MLXIPL: variants seen among roughly 807,000 people sequenced by gnomAD.
MLXIPL encodes the protein MLX interacting protein like, also known as carbohydrate-responsive element-binding protein.
A neutral mutation model predicts 81.5 loss-of-function variants in MLXIPL; 49 were observed. The ratio of observed to expected loss-of-function variants is 0.60; its 90% CI spans 0.48 to 0.76. The LOEUF (loss-of-function observed/expected upper bound fraction) is 0.76, where lower values mean the gene tolerates loss of function less well. Ranked by LOEUF, MLXIPL falls within the 30% of genes least tolerant of loss-of-function variation. MLXIPL has a pLI of 0.00. For synonymous variants in MLXIPL, 466 were observed against 485.5 expected (o/e 0.96, Z 0.53); for missense variants, 1,053 against 1,167.0 (o/e 0.90, Z 1.42).
In MLXIPL at chr7:73,596,230, G is replaced by A. The variant is rs1794283580; in HGVS notation, c.1981C>T (p.Arg661Trp). 4 of 1,613,522 alleles carry A rather than the reference G, an allele frequency of 2.5e-6. No homozygotes were observed. Among genetic ancestry groups the A allele is most frequent in the Non-Finnish European group, 3.4e-6 (4 of 1,179,960 alleles). ...AACCCCAGCTTGATGTTGAAGCGCC[G>A]CTTCTGCTCCGCGGAGATGTGTGTG... ...RITHISAEQKRRFNIKLGFDT... is the reference protein window; with the variant it reads ...RITHISAEQKWRFNIKLGFDT... The change falls in exon 13 of 17, where the codon CGG becomes TGG. Residue 661 changes from arginine (R) to tryptophan (W), a missense_variant. Around this residue, in one of 3 missense-constraint regions of MLXIPL, gnomAD observed 823 missense variants for 933.0 expected, o/e 0.88. Transcript: ENST00000313375. The surrounding 1 kb of genome is among the most constrained non-coding windows in gnomAD (Gnocchi z 4.7).
In MLXIPL at chr7:73,597,442, G is replaced by A. The variant is rs782047753; in HGVS notation, c.1343C>T (p.Pro448Leu). ...PTVPPAPGVSPLPAPAAFPPT... is the reference protein window; with the variant it reads ...PTVPPAPGVSLLPAPAAFPPT... ...TGGGAAGGCTGCAGGAGCAGGCAGCGGAGACACTCCTGGGGCAGGAGGGAC... is the reference window on the plus strand; with the variant it reads ...TGGGAAGGCTGCAGGAGCAGGCAGCAGAGACACTCCTGGGGCAGGAGGGAC... The change falls in exon 9 of 17, where the codon CCG (proline) becomes CTG (leucine). Residue 448 changes from proline (P) to leucine (L), a missense_variant. Pro to Leu is a moderately conservative substitution (Grantham distance 98, BLOSUM62 -3). Coordinates refer to ENST00000313375, the MANE Select transcript of MLXIPL (RefSeq NM_032951.3). 7.7e-6 allele frequency: 11 copies of A among 1,435,252 alleles called. No individual in the cohort carries two copies. The highest frequency in any genetic ancestry group is 2.9e-5 in the Admixed American group (1 of 34,292). 88.9% of individuals were successfully genotyped at this position (1,435,252 alleles called of 1,614,324 possible). A position where few individuals can be genotyped will look rare whatever the true frequency, so the allele number is the denominator to read the frequency against.
chr7:73,633,634 T>G, the MLXIPL span, among the ~76,000 whole-genome samples: 1 of 152,006 alleles, frequency 6.6e-6, no homozygotes, highest in African/African-American at 2.4e-5. Flanking sequence ...TTATTTTTTT[T>G]GTAGAGACAG....
At chr7:73,627,930 C>T (rs143553842), upstream of MLXIPL, among the ~76,000 whole-genome samples, 10 of 152,146 alleles carry the variant, frequency 6.6e-5, no homozygotes, top group East Asian at 1.4e-3. Flanking sequence ...GTCTTACTGG[C>T]GATCTGTCTC....
the MLXIPL span, among the ~76,000 whole-genome samples, chr7:73,646,396 C>T: frequency 6.6e-6 from 1 of 152,194 alleles, no homozygotes; most frequent in Non-Finnish European, 1.5e-5. Context: ...TCCACCAGTG[C>T]CACCCCTATA....
chr7:73,636,470 G>A, the MLXIPL span, among the ~76,000 whole-genome samples: 1 of 151,998 alleles, frequency 6.6e-6, no homozygotes, highest in Non-Finnish European at 1.5e-5. Flanking sequence ...AGGTATTCTG[G>A]GAGGGAAGAG....
intron 2 of MLXIPL, 116 bp downstream of exon 2, chr7:73,615,955 T>C: frequency 1.3e-6 from 1 of 758,916 alleles, no homozygotes; most frequent in East Asian, 2.6e-5. Context: ...ACTCTGCTAG[T>C]GCTGGCCTTG....
chr7:73,640,890 G>A, the MLXIPL span, among the ~76,000 whole-genome samples: 1 of 151,904 alleles, frequency 6.6e-6, no homozygotes, highest in Non-Finnish European at 1.5e-5. Flanking sequence ...AACAGGAAAA[G>A]GCTCTCTTTT....
At chr7:73,644,168 T>C in the MLXIPL span, among the ~76,000 whole-genome samples, 2 of 151,708 alleles carry the variant, frequency 1.3e-5, no homozygotes, top group Middle Eastern at 3.2e-3. Flanking sequence ...AAAGCTCTGA[T>C]ATTACAGATG....
In MLXIPL at chr7:73,623,489, C is replaced by T. The variant is rs1174007599; in HGVS notation, c.293+711G>A. ...GGCACTAAGCGGGGGTCCCAGGCAGCGACGGGCGCTCAGCCTAGTGTGGCG... is the reference window on the plus strand; with the variant it reads ...GGCACTAAGCGGGGGTCCCAGGCAGTGACGGGCGCTCAGCCTAGTGTGGCG... On this transcript the variant is annotated intron_variant, in intron 1 of 16. Transcript: ENST00000313375. This position sits in a 1 kb window ranked among gnomAD's most constrained non-coding sequence, Gnocchi z 5.7. 6.6e-6 allele frequency among the ~76,000 whole-genome samples: 1 copy of T among 152,068 alleles called. No homozygotes were observed. The highest frequency in any genetic ancestry group is 1.5e-5 in the Non-Finnish European group (1 of 68,032).
chr7:73,620,336 G>A (rs1288962215), intron 1 of MLXIPL, among the ~76,000 whole-genome samples: 6 of 151,790 alleles, frequency 4.0e-5, no homozygotes, highest in African/African-American at 1.5e-4. Flanking sequence ...CCCAGGAGGC[G>A]GATGTTGCAG....
the MLXIPL span, among the ~76,000 whole-genome samples, chr7:73,635,276 T>C: frequency 6.6e-6 from 1 of 152,058 alleles, no homozygotes; most frequent in Non-Finnish European, 1.5e-5. Flanking sequence ...GCTCTGAGGC[T>C]ATGAGAGTGG....
chr7:73,616,030 G>A (rs782168800), intron 2 of MLXIPL, 41 bp downstream of exon 2: 19 of 1,529,748 alleles, frequency 1.2e-5, no homozygotes, highest in Non-Finnish European at 1.5e-5. Context: ...GTTGGAGGGG[G>A]CAGTCCCTCC....
rs781884532 is a variant in MLXIPL, at chr7:73,595,908, C to T, written c.2120G>A (p.Arg707His). 28 of 1,613,126 alleles carry T rather than the reference C, an allele frequency of 1.7e-5. No homozygotes were observed. The highest frequency in any genetic ancestry group is 6.7e-5 in the African/African-American group (5 of 74,938). ...AEYILMLQQE[R>H]AGLQEEAQQL... ...CTGGGCCTCCTCCTGCAAGCCCGCA[C>T]GCTCCTGCTGTAGCATAAGGATGTA... The change falls in exon 14 of 17, where the codon CGT becomes CAT. Residue 707 changes from arginine (R) to histidine (H), a missense_variant. By Grantham distance (29) the Arg-to-His change is conservative. Around this residue, in one of 3 missense-constraint regions of MLXIPL, gnomAD observed 823 missense variants for 933.0 expected, o/e 0.88. Transcript: ENST00000313375.
At position 73,593,579 on chromosome 7, in the gene MLXIPL, T is replaced by C. The variant is rs782487990; in HGVS notation, c.*286A>G. ...CTGGGGGTCATCTGCTGATTGAACC[T>C]TCCCCATCCCCATTTTGCAGATTGA... is the stretch of plus-strand genomic sequence containing the variant. On this transcript the variant is annotated 3_prime_UTR_variant, in exon 17 of 17. Coordinates refer to ENST00000313375, the MANE Select transcript of MLXIPL (RefSeq NM_032951.3). The C allele has an allele frequency of 2.5e-6, 1 of 404,434 alleles. No individual in the cohort carries two copies. Among genetic ancestry groups the C allele is most frequent in the Non-Finnish European group, 4.7e-6 (1 of 212,304 alleles). The allele number at this position is 404,434 out of a possible 1,614,324, so 25.1% of individuals were successfully genotyped here.
intron 2 of MLXIPL, among the ~76,000 whole-genome samples, chr7:73,615,338 G>A (rs1795944748): frequency 6.6e-6 from 1 of 152,180 alleles, no homozygotes; most frequent in Non-Finnish European, 1.5e-5. Context: ...GGAGACCCAT[G>A]CGGGATCCTC....
rs186910336 is a variant in MLXIPL, at chr7:73,602,368, C to A, written c.902-2673G>T. The stretch of plus-strand genomic sequence containing the variant: ...CTGGGATTACAGGCCCCCCTGCTGC[C>A]TTTCTTTAAAAGGGGGACCAGGCCA... On this transcript the variant is annotated intron_variant, in intron 7 of 16. Transcript: ENST00000313375. 4.6e-3 allele frequency among the ~76,000 whole-genome samples: 701 copies of A among 151,596 alleles called. 6 individuals carry two copies. The highest frequency in any genetic ancestry group is 0.01 in the Middle Eastern group (3 of 292).
At chr7:73,606,177 C>A (rs1563494067) in intron 5 of MLXIPL, 66 bp from the exon 6 acceptor site, 1 of 1,495,108 alleles carries the variant, frequency 6.7e-7, no homozygotes. Context: ...CATATCACCC[C>A]TCTCCAGGGT....
In MLXIPL at chr7:73,596,159, G is replaced by C. The variant is rs782054995; in HGVS notation, c.2052C>G (p.Ser684Arg). The C allele has an allele frequency of 3.1e-6, 5 of 1,612,538 alleles. No individual in the cohort carries two copies. Among genetic ancestry groups the C allele is most frequent in the African/African-American group, 2.7e-5 (2 of 74,862 alleles). ...GCCTGGGCCCGGGGCTCACCTTGAG[G>C]CTGGGCTGGGCACTGAGTGTGCTCA... Reference protein sequence around the residue: ...GLVSTLSAQPSLKVSKATTLQ... With the variant: ...GLVSTLSAQPRLKVSKATTLQ... Residue 684 changes from serine (S) to arginine (R), a missense_variant, in exon 13 of 17, where the codon AGC (serine) becomes AGG (arginine). By Grantham distance (110) the Ser-to-Arg change is moderately radical. Around this residue, in one of 3 missense-constraint regions of MLXIPL, gnomAD observed 823 missense variants for 933.0 expected, o/e 0.88. Coordinates refer to ENST00000313375, the MANE Select transcript of MLXIPL (RefSeq NM_032951.3). This position sits in a 1 kb window ranked among gnomAD's most constrained non-coding sequence, Gnocchi z 4.7.
chr7:73,611,822 A>T (rs113647768), intron 2 of MLXIPL, among the ~76,000 whole-genome samples: 2,092 of 151,890 alleles, frequency 0.014, 36 homozygotes, highest in African/African-American at 0.044. Flanking sequence ...TCAAAAAAAA[A>T]AAAATAAAAT....
Sources: allele counts gnomAD v4.1 joint callset (sites outside exome capture counted in the v4.1 genomes callset), GRCh38; gene constraint gnomAD v4.1.1; regional missense constraint gnomAD v4.1.1; non-coding constraint Gnocchi (gnomAD v3.1); transcripts MANE v1.5; gene names NCBI Gene and HGNC (gene_info 2026-07-23, HGNC 2026-07-21).